Variants in ANTXR1 observed in about 807,000 individuals in gnomAD.
ANTXR1 encodes the protein anthrax toxin receptor 1.
In ANTXR1, 19 loss-of-function variants were observed where a neutral mutation model predicts 78.1. The observed-to-expected ratio is 0.24, with a 90% confidence interval of 0.17 to 0.36. The LOEUF (loss-of-function observed/expected upper bound fraction) is 0.36. Among genes scored for constraint, ANTXR1 ranks in the 10% least tolerant of loss-of-function variants. ANTXR1 has a pLI of 1.00. For missense variants in ANTXR1, 518 were observed against 718.6 expected (o/e 0.72, Z 3.19); for synonymous variants, 273 against 260.5 (o/e 1.05, Z -0.46).
At chr2:69,167,531 T>C (rs952198678) in intron 13 of ANTXR1, among the ~76,000 whole-genome samples, 1 of 152,202 alleles carries the variant, frequency 6.6e-6, no homozygotes, top group Non-Finnish European at 1.5e-5. Context: ...CCTATCCAAC[T>C]TTACTGCTTG....
intron 16 of ANTXR1, among the ~76,000 whole-genome samples, chr2:69,183,245 A>T (rs537400312): frequency 2.9e-4 from 44 of 149,774 alleles, no homozygotes; most frequent in African/African-American, 1.1e-3. Context: ...CTCACTGGTC[A>T]TGGATCTAGG....
At position 69,152,425 on chromosome 2, in the gene ANTXR1, T is replaced by C. The variant is rs1230148457; in HGVS notation, c.1047+161T>C. Among the ~76,000 whole-genome samples the C allele has an allele frequency of 3.3e-5, 5 of 152,216 alleles. No individual in the cohort carries two copies. In the East Asian group the frequency reaches 9.6e-4, roughly 29 times the overall value. Reference sequence around the variant, plus strand: ...ATTGATGTGAACTGACATTGATCAATGGAACCATGAGTCACCAGCAGTCAG... The same window carrying C: ...ATTGATGTGAACTGACATTGATCAACGGAACCATGAGTCACCAGCAGTCAG... On this transcript the variant is annotated intron_variant, in intron 13 of 17. Transcript: ENST00000303714.
At chr2:69,039,829 T>C (rs146898506) in intron 1 of ANTXR1, among the ~76,000 whole-genome samples, 28 of 151,742 alleles carry the variant, frequency 1.8e-4, no homozygotes, top group Admixed American at 5.3e-4. Context: ...GTGGGGGCAG[T>C]GCGAGATTGG....
At chr2:69,019,910 A>G (rs923565996) in intron 1 of ANTXR1, among the ~76,000 whole-genome samples, 3 of 152,206 alleles carry the variant, frequency 2.0e-5, no homozygotes, top group African/African-American at 7.2e-5. Flanking sequence ...AAAGAACATC[A>G]TCTCCTTTTT....
chr2:69,105,429 T>C (rs572564783), intron 10 of ANTXR1, among the ~76,000 whole-genome samples: 20 of 152,344 alleles, frequency 1.3e-4, no homozygotes, highest in African/African-American at 4.6e-4. Flanking sequence ...CATACAGCTA[T>C]TAAAAATATT....
At chr2:69,052,418 A>G (rs1669955304) in intron 3 of ANTXR1, among the ~76,000 whole-genome samples, 1 of 152,078 alleles carries the variant, frequency 6.6e-6, no homozygotes, top group Admixed American at 6.6e-5. Context: ...CATCTTAACT[A>G]TCTTTCCCCT....
chr2:69,238,946 C>T (rs1237661385), intron 17 of ANTXR1, among the ~76,000 whole-genome samples: 1 of 152,168 alleles, frequency 6.6e-6, no homozygotes, highest in Non-Finnish European at 1.5e-5. Flanking sequence ...ACAGATGTCT[C>T]ATAACACAGC....
At chr2:69,088,967 C>T (rs1573862566) in intron 8 of ANTXR1, among the ~76,000 whole-genome samples, 1 of 152,284 alleles carries the variant, frequency 6.6e-6, no homozygotes, top group East Asian at 1.9e-4. Flanking sequence ...CTTCATGCTA[C>T]AGTCAGGATA....
intron 17 of ANTXR1, among the ~76,000 whole-genome samples, chr2:69,220,705 T>C (rs1049197858): frequency 6.6e-6 from 1 of 152,250 alleles, no homozygotes; most frequent in Non-Finnish European, 1.5e-5. Context: ...AGAATGAATT[T>C]ATGTAGCAAG....
intron 9 of ANTXR1, among the ~76,000 whole-genome samples, chr2:69,102,158 T>G (rs1671641685): frequency 6.6e-6 from 1 of 152,382 alleles, no homozygotes; most frequent in South Asian, 2.1e-4. Context: ...CTTTGATTCA[T>G]TCCTAAGTAC....
intron 16 of ANTXR1, among the ~76,000 whole-genome samples, chr2:69,192,193 G>C (rs28584536): frequency 0.08 from 12,247 of 152,192 alleles, 1,374 homozygotes; most frequent in African/African-American, 0.25. Context: ...TGAATTACCA[G>C]AAACTTAAAG....
intron 14 of ANTXR1, chr2:69,172,641 G>A: frequency 1.2e-6 from 1 of 813,844 alleles, no homozygotes; most frequent in Non-Finnish European, 1.6e-6. Context: ...TTCTGAGAGA[G>A]GCATGTCTAC....
chr2:69,215,721 TA>T (rs1175257317), intron 17 of ANTXR1, among the ~76,000 whole-genome samples: 1 of 152,218 alleles, frequency 6.6e-6, no homozygotes, highest in Non-Finnish European at 1.5e-5. Context: ...GTAGGTACTT[TA>T]AAAGTGGCTT....
chr2:69,018,415 A>T (rs1558728634), intron 1 of ANTXR1, among the ~76,000 whole-genome samples: 1 of 152,188 alleles, frequency 6.6e-6, no homozygotes, highest in Non-Finnish European at 1.5e-5. Context: ...TACTCCAGGG[A>T]CAGGATCATC....
At chr2:69,087,652 C>G (rs1010482388) in intron 8 of ANTXR1, among the ~76,000 whole-genome samples, 4 of 152,142 alleles carry the variant, frequency 2.6e-5, no homozygotes, top group Non-Finnish European at 5.9e-5. Context: ...ACCTTAAAGC[C>G]TCTTACCTCT....
At chr2:69,089,077 G>A (rs1239271642) in intron 8 of ANTXR1, among the ~76,000 whole-genome samples, 4 of 152,192 alleles carry the variant, frequency 2.6e-5, no homozygotes, top group Non-Finnish European at 5.9e-5. Flanking sequence ...AGAAGCTGAA[G>A]GAACTAATTA....
At chr2:69,062,703 G>A (rs1225003243) in intron 3 of ANTXR1, among the ~76,000 whole-genome samples, 2 of 152,110 alleles carry the variant, frequency 1.3e-5, no homozygotes, top group Non-Finnish European at 2.9e-5. Context: ...ATGGGAAGAA[G>A]CAGAGGAATA....
intron 16 of ANTXR1, among the ~76,000 whole-genome samples, chr2:69,187,585 C>CTTTTTTTTTTTTTTTTTT (rs58660678): frequency 3.2e-5 from 3 of 94,898 alleles, no homozygotes; most frequent in African/African-American, 1.4e-4. Context: ...TCATGTATTT[C>CTTTTTTTTTTTTTTTTTT]TTTTTTTTTT....
chr2:69,047,569 A>G (rs1669807216), intron 3 of ANTXR1, among the ~76,000 whole-genome samples: 1 of 151,478 alleles, frequency 6.6e-6, no homozygotes, highest in Non-Finnish European at 1.5e-5. Context: ...CCCTATTTTG[A>G]CTTTGCAGAG....
Sources: allele counts gnomAD v4.1 joint callset (sites outside exome capture counted in the v4.1 genomes callset), GRCh38; gene constraint gnomAD v4.1.1; transcripts MANE v1.5; gene names NCBI Gene and HGNC (gene_info 2026-07-23, HGNC 2026-07-21).